The following RARB variants were observed in gnomAD, a reference collection of about 807,000 sequenced individuals.
RARB encodes the protein retinoic acid receptor beta.
Under a neutral mutation model 51.9 loss-of-function variants are expected in RARB, and 17 were observed. That is an observed-to-expected ratio of 0.33 (90% CI 0.22 to 0.49). RARB has a LOEUF of 0.49. Ranked by LOEUF, RARB falls within the 20% of genes least tolerant of loss-of-function variation. The pLI is 0.99. For missense variants in RARB, 369 were observed against 550.8 expected (o/e 0.67, Z 3.30); for synonymous variants, 215 against 195.4 (o/e 1.10, Z -0.84).
intron 5 of RARB, among the ~76,000 whole-genome samples, chr3:25,257,057 C>T (rs867524203): frequency 2.0e-5 from 3 of 152,072 alleles, no homozygotes; most frequent in Non-Finnish European, 4.4e-5. Context: ...GTAAGCTCAT[C>T]AATGTAGAGT....
At chr3:24,999,034 C>T (rs561204657) in intron 2 of RARB, among the ~76,000 whole-genome samples, 2 of 151,960 alleles carry the variant, frequency 1.3e-5, no homozygotes, top group Admixed American at 6.6e-5. Context: ...CCTAATGGGC[C>T]CAGCTGGAAT....
At chr3:24,995,901 GC>G (rs1315805927) in intron 2 of RARB, among the ~76,000 whole-genome samples, 2 of 151,988 alleles carry the variant, frequency 1.3e-5, no homozygotes, top group African/African-American at 4.8e-5. Flanking sequence ...ATGTTTATCA[GC>G]ATCTGGTTTG....
chr3:25,049,578 A>G (rs1404882475), intron 2 of RARB, among the ~76,000 whole-genome samples: 2 of 152,244 alleles, frequency 1.3e-5, no homozygotes, highest in Admixed American at 6.5e-5. Flanking sequence ...ACCTCTGTAG[A>G]TGTATATGTC....
At chr3:25,587,138 C>T (rs566623542) in intron 5 of RARB, among the ~76,000 whole-genome samples, 19 of 152,330 alleles carry the variant, frequency 1.2e-4, no homozygotes, top group African/African-American at 4.6e-4. Context: ...GTAGCTCCTC[C>T]CCATTCAGGT....
At chr3:25,111,625 C>A (rs1699603722) in intron 3 of RARB, among the ~76,000 whole-genome samples, 1 of 130,122 alleles carries the variant, frequency 7.7e-6, no homozygotes, top group Non-Finnish European at 1.6e-5. Context: ...GTCACCCAGG[C>A]TAGAATGCAC....
intron 5 of RARB, among the ~76,000 whole-genome samples, chr3:25,213,299 T>C (rs1701743491): frequency 6.6e-6 from 1 of 152,170 alleles, no homozygotes; most frequent in South Asian, 2.1e-4. Context: ...GTACACTACA[T>C]ACTATATAAT....
chr3:25,134,726 T>C (rs989473116), intron 4 of RARB, among the ~76,000 whole-genome samples: 3 of 150,746 alleles, frequency 2.0e-5, no homozygotes, highest in African/African-American at 7.3e-5. Context: ...TAGAATTGAG[T>C]GATTTATTTT....
intron 5 of RARB, among the ~76,000 whole-genome samples, chr3:25,305,820 A>T (rs1295710104): frequency 6.6e-6 from 1 of 152,222 alleles, no homozygotes; most frequent in Admixed American, 6.5e-5. Context: ...TTTGGGTGTT[A>T]TATTAGTGGT....
At chr3:24,872,512 C>G (rs1385397868) in intron 2 of RARB, among the ~76,000 whole-genome samples, 1 of 152,144 alleles carries the variant, frequency 6.6e-6, no homozygotes, top group Non-Finnish European at 1.5e-5. Context: ...CCAATATCTG[C>G]TTTAGGTGAG....
chr3:25,215,896 C>G (rs1701823849), intron 5 of RARB, among the ~76,000 whole-genome samples: 1 of 152,148 alleles, frequency 6.6e-6, no homozygotes, highest in Non-Finnish European at 1.5e-5. Context: ...TAGTATTTTT[C>G]ATACCAAACT....
At chr3:25,578,106 A>C (rs1253611737) in intron 4 of RARB, among the ~76,000 whole-genome samples, 1 of 152,170 alleles carries the variant, frequency 6.6e-6, no homozygotes, top group Non-Finnish European at 1.5e-5. Flanking sequence ...TCCTCCCTGC[A>C]CACTCAGAAA....
chr3:24,971,788 C>A (rs1384316405), intron 2 of RARB, among the ~76,000 whole-genome samples: 1 of 151,840 alleles, frequency 6.6e-6, no homozygotes, highest in Non-Finnish European at 1.5e-5. Flanking sequence ...AAAATTTTAT[C>A]CTATAATCCT....
At chr3:25,043,552 A>G (rs574208170) in intron 2 of RARB, among the ~76,000 whole-genome samples, 29 of 152,380 alleles carry the variant, frequency 1.9e-4, no homozygotes, top group African/African-American at 7.0e-4. Flanking sequence ...AATAGATTCA[A>G]AAAGAAAGAA....
chr3:24,831,134 GC>G (rs2125325775), intron 1 of RARB, among the ~76,000 whole-genome samples: 1 of 152,286 alleles, frequency 6.6e-6, no homozygotes, highest in South Asian at 2.1e-4. Context: ...CAAATAAAAT[GC>G]AGCTAAATGA....
At chr3:25,302,399 T>C (rs1408762440) in intron 5 of RARB, among the ~76,000 whole-genome samples, 1 of 152,210 alleles carries the variant, frequency 6.6e-6, no homozygotes, top group African/African-American at 2.4e-5. Context: ...AAATGTGTTA[T>C]ATCCACAAAA....
intron 5 of RARB, chr3:25,324,373 C>A: frequency 6.2e-6 from 1 of 160,832 alleles, no homozygotes. Context: ...TCTCCACCAC[C>A]TCTGTCAAGA....
At chr3:25,230,630 A>G (rs988337353) in intron 5 of RARB, among the ~76,000 whole-genome samples, 2 of 151,998 alleles carry the variant, frequency 1.3e-5, no homozygotes, top group African/African-American at 4.8e-5. Flanking sequence ...CATTATATAC[A>G]CATCACCTGG....
At chr3:24,948,207 C>T (rs945052945) in intron 2 of RARB, among the ~76,000 whole-genome samples, 1 of 150,962 alleles carries the variant, frequency 6.6e-6, no homozygotes, top group Admixed American at 6.6e-5. Context: ...AGTGTACCCA[C>T]TAGAGGAAGG....
intron 5 of RARB, among the ~76,000 whole-genome samples, chr3:25,341,429 A>G (rs1705224053): frequency 6.6e-6 from 1 of 152,186 alleles, no homozygotes. Context: ...TGAGAGCCAG[A>G]GAGAATTTGC....
Sources: gnomAD v4.1 joint callset for allele counts (sites outside exome capture counted in the v4.1 genomes callset) on GRCh38, gnomAD v4.1.1 for gene constraint, MANE v1.5 for transcripts, NCBI Gene and HGNC (gene_info 2026-07-23, HGNC 2026-07-21) for gene names.